Variants in MTOR observed in about 807,000 individuals in gnomAD.
MTOR encodes the protein serine/threonine-protein kinase mTOR.
Under a neutral mutation model 319.8 loss-of-function variants are expected in MTOR, and 70 were observed. The observed-to-expected ratio is 0.22, with a 90% CI of 0.18 to 0.27. The LOEUF is 0.27. MTOR is among the 10% of genes least tolerant of loss of function. The pLI, the probability that MTOR is intolerant of heterozygous loss-of-function variation, is 1.00. For synonymous variants in MTOR, 1,183 were observed against 1,211.4 expected (o/e 0.98, Z 0.49); for missense variants, 1,890 against 3,274.4 (o/e 0.58, Z 10.32).
intron 28 of MTOR, among the ~76,000 whole-genome samples, chr1:11,171,860 C>A (rs1241650741): frequency 6.6e-6 from 1 of 151,872 alleles, no homozygotes; most frequent in African/African-American, 2.4e-5. Flanking sequence ...CATGGTGAAA[C>A]CCCATCTCTA....
chr1:11,246,525 T>G (rs1463595124), intron 8 of MTOR, among the ~76,000 whole-genome samples: 2 of 152,244 alleles, frequency 1.3e-5, no homozygotes, highest in Non-Finnish European at 2.9e-5. Flanking sequence ...CGAATTGTCA[T>G]GTCCTCACCC....
In MTOR at chr1:11,129,552, G is replaced by A. The variant is rs532509146; in HGVS notation, c.5714+186C>T. Among the ~76,000 whole-genome samples the A allele has an allele frequency of 3.3e-5, 5 of 152,308 alleles. No individual in the cohort carries two copies. The South Asian group carries it at 1.0e-3, about 32-fold the overall frequency. ...CACTTCTCCTCCTCACTCTCTGTAGGTTTCACCCACACAGGTGGGGCCCAG... is the reference window on the plus strand; with the variant it reads ...CACTTCTCCTCCTCACTCTCTGTAGATTTCACCCACACAGGTGGGGCCCAG... On this transcript the variant is annotated intron_variant, in intron 40 of 57. Transcript: ENST00000361445. The surrounding 1 kb of genome is among the most constrained non-coding windows in gnomAD (Gnocchi z 4.7).
rs1643030892 is a variant in MTOR at position 11,129,907 on chromosome 1, G to A, written c.5614-69C>T. The stretch of plus-strand genomic sequence containing the variant: ...TCTCATCTGTAAAATGGGCATAAGA[G>A]CATACTAACTGTACCTACTTCAAAG... On this transcript the variant is annotated intron_variant, in intron 39 of 57. Transcript: ENST00000361445. The surrounding 1 kb of genome is among the most constrained non-coding windows in gnomAD (Gnocchi z 4.7). 7.4e-7 allele frequency: 1 copy of A among 1,344,738 alleles called. No individual in the cohort carries two copies. 83.3% of individuals were successfully genotyped at this position (1,344,738 alleles called of 1,614,324 possible).
chr1:11,233,098 G>T, intron 15 of MTOR: 1 of 1,134,410 alleles, frequency 8.8e-7, no homozygotes, highest in Admixed American at 1.7e-5. Flanking sequence ...CACTGGAGAA[G>T]AACCAAGCAG....
intron 28 of MTOR, chr1:11,194,559 T>C (rs1399920366): frequency 1.4e-5 from 22 of 1,613,968 alleles, no homozygotes; most frequent in African/African-American, 2.7e-5. Flanking sequence ...ACACTGGCAA[T>C]GTGGGGAACG....
In MTOR at chr1:11,212,348, G is replaced by A. The variant is rs2100792856; in HGVS notation, c.3525C>T (p.Asp1175=). The part of the protein sequence containing the change: ...QSPELRSTAM[D]TLSSLVFQLG... ...GCTGAAAAACAAGTGAAGACAGCGT[G>A]TCCATGGCTGTGGAGCGCAGTTCTG... Residue 1175 remains aspartate, a synonymous_variant, in exon 23 of 58, where the codon GAC becomes GAT. Transcript: ENST00000361445. The surrounding 1 kb of genome is among the most constrained non-coding windows in gnomAD (Gnocchi z 4.1). 1.2e-6 allele frequency: 2 copies of A among 1,614,124 alleles called. No homozygotes were observed. The highest frequency in any genetic ancestry group is 1.7e-6 in the Non-Finnish European group (2 of 1,180,000).
At chr1:11,191,867 A>G (rs1475848522) in intron 28 of MTOR, among the ~76,000 whole-genome samples, 1 of 152,230 alleles carries the variant, frequency 6.6e-6, no homozygotes, top group Non-Finnish European at 1.5e-5. Context: ...ACTCTATGAG[A>G]TATTCACGAC....
chr1:11,147,561 C>T (rs1286365678), intron 31 of MTOR, among the ~76,000 whole-genome samples: 1 of 152,226 alleles, frequency 6.6e-6, no homozygotes, highest in Non-Finnish European at 1.5e-5. Flanking sequence ...CACTCCAGAC[C>T]ATCGGCTCAT....
intron 19 of MTOR, among the ~76,000 whole-genome samples, chr1:11,217,238 T>C (rs974961265): frequency 5.9e-5 from 9 of 152,092 alleles, no homozygotes; most frequent in Non-Finnish European, 1.3e-4. Context: ...ATGCACTAAA[T>C]AAAGCTGGGA....
rs138052743 is a variant in MTOR, at chr1:11,107,116, G to A, written c.*369C>T. 1.4e-4 allele frequency: 198 copies of A among 1,376,816 alleles called. No homozygotes were observed. In the African/African-American group the frequency reaches 2.4e-3, roughly 17 times the overall value. 85.3% of individuals were successfully genotyped at this position (1,376,816 alleles called of 1,614,324 possible). A position where few individuals can be genotyped will look rare whatever the true frequency, so the allele number is the denominator to read the frequency against. On this transcript the variant is annotated 3_prime_UTR_variant, in exon 58 of 58. Transcript: ENST00000361445. ...GCTGAGTTTGCTGTACCCATGTTGAGAGGAGCAACTAGGTCATTCTTCCAT... is the reference window on the plus strand; with the variant it reads ...GCTGAGTTTGCTGTACCCATGTTGAAAGGAGCAACTAGGTCATTCTTCCAT...
chr1:11,107,155 T>C lies in MTOR; in HGVS notation c.*330A>G, dbSNP rs759812678. On this transcript the variant is annotated 3_prime_UTR_variant, in exon 58 of 58. Coordinates refer to ENST00000361445, the MANE Select transcript of MTOR (RefSeq NM_004958.4). ...TCATTCTTCCATCAGCAAGTACTTA[T>C]GATGAGTTCTCTTGTGAGTTAAGTC... 15 of 1,387,280 alleles carry C rather than the reference T, an allele frequency of 1.1e-5. No homozygotes were observed. Among genetic ancestry groups the C allele is most frequent in the South Asian group, 4.9e-5 (4 of 81,186 alleles). 85.9% of individuals were successfully genotyped at this position (1,387,280 alleles called of 1,614,324 possible).
At chr1:11,233,356 T>C (rs2100878001) in intron 15 of MTOR, 42 bp downstream of exon 15, 1 of 1,568,662 alleles carries the variant, frequency 6.4e-7, no homozygotes, top group East Asian at 2.2e-5. Flanking sequence ...TAGTTTCTTT[T>C]CCACCCTATC....
intron 49 of MTOR, 132 bp from the exon 50 acceptor site, chr1:11,117,218 T>A: frequency 1.4e-6 from 1 of 703,320 alleles, no homozygotes; most frequent in Admixed American, 3.3e-5. Flanking sequence ...TGGAAGGCAG[T>A]GGTGCTATCT....
rs750006390 is a variant in MTOR at position 11,128,847 on chromosome 1, A to T, written c.5811+8T>A. ...GAGCCACCTTCACCTGTAACCAAGT[A>T]TCCTCACCTGTAGCCAGGTATCAAT... On this transcript the variant is annotated splice_region_variant and intron_variant, in intron 41 of 57. Transcript: ENST00000361445. This position sits in a 1 kb window ranked among gnomAD's most constrained non-coding sequence, Gnocchi z 5.3. The T allele has an allele frequency of 4.3e-6, 7 of 1,611,132 alleles. No homozygotes were observed. In the East Asian group the frequency reaches 1.6e-4, roughly 36 times the overall value.
At position 11,128,414 on chromosome 1, in the gene MTOR, C is replaced by A; in HGVS notation, c.5910+40G>T. ...GCTTTTGGAAAGGCTGACCACCAAA[C>A]CAGTGGTTAGATGAGAAACTGCCCA... On this transcript the variant is annotated intron_variant, in intron 42 of 57. Coordinates refer to ENST00000361445, the MANE Select transcript of MTOR (RefSeq NM_004958.4). The surrounding 1 kb of genome is among the most constrained non-coding windows in gnomAD (Gnocchi z 5.3). 6.3e-7 allele frequency: 1 copy of A among 1,589,618 alleles called. No homozygotes were observed. Among genetic ancestry groups the A allele is most frequent in the Non-Finnish European group, 8.6e-7 (1 of 1,158,330 alleles).
At chr1:11,221,805 GTATC>G (rs1457781688) in intron 19 of MTOR, among the ~76,000 whole-genome samples, 1 of 149,462 alleles carries the variant, frequency 6.7e-6, no homozygotes, top group Non-Finnish European at 1.5e-5. Context: ...ATATATATAT[GTATC>G]TTTCTTAAAC....
At position 11,231,293 on chromosome 1, in the gene MTOR, C is replaced by A; in HGVS notation, c.2649+7G>T. ...TCTTTAAAGACCAAGTTTGCCACGTCCCCTACCTCTCTGCGTGTACCCTGG... is the reference window on the plus strand; with the variant it reads ...TCTTTAAAGACCAAGTTTGCCACGTACCCTACCTCTCTGCGTGTACCCTGG... On this transcript the variant is annotated splice_region_variant and intron_variant, in intron 17 of 57. Coordinates refer to ENST00000361445, the MANE Select transcript of MTOR (RefSeq NM_004958.4). The A allele has an allele frequency of 6.2e-7, 1 of 1,613,882 alleles. No individual in the cohort carries two copies.
At chr1:11,239,813 G>A (rs182697211) in intron 11 of MTOR, among the ~76,000 whole-genome samples, 14 of 151,782 alleles carry the variant, frequency 9.2e-5, no homozygotes, top group South Asian at 2.1e-4. Flanking sequence ...GCTGTGGCAG[G>A]AGAATCGCTT....
intron 49 of MTOR, among the ~76,000 whole-genome samples, chr1:11,120,134 G>A (rs1019508155): frequency 1.3e-5 from 2 of 151,856 alleles, no homozygotes; most frequent in African/African-American, 4.8e-5. Context: ...ACGGAGTGCA[G>A]TGGCATGGTA....
Sources: gnomAD v4.1 joint callset for allele counts (sites outside exome capture counted in the v4.1 genomes callset) on GRCh38, gnomAD v4.1.1 for gene constraint, Gnocchi (gnomAD v3.1) non-coding constraint, MANE v1.5 for transcripts, NCBI Gene and HGNC (gene_info 2026-07-23, HGNC 2026-07-21) for gene names.